SLX4IP: variants seen among roughly 807,000 people sequenced by gnomAD.
SLX4IP encodes SLX4 interacting protein.
SLX4IP carries 34 observed loss-of-function variants against 32.9 expected under a neutral mutation model. The observed-to-expected ratio is 1.03, with a 90% CI of 0.79 to 1.38. The LOEUF (loss-of-function observed/expected upper bound fraction) is 1.38, where lower values mean the gene tolerates loss of function less well. SLX4IP is among the 40% of genes most tolerant of loss of function. The pLI, the probability that SLX4IP is intolerant of heterozygous loss-of-function variation, is 0.00. For synonymous variants in SLX4IP, 172 were observed against 171.7 expected (o/e 1.00, Z -0.01); for missense variants, 444 against 479.0 (o/e 0.93, Z 0.68).
At chr20:10,520,018 G>A (rs1053639329) in intron 2 of SLX4IP, among the ~76,000 whole-genome samples, 32 of 152,232 alleles carry the variant, frequency 2.1e-4, no homozygotes, top group Middle Eastern at 3.4e-3. Flanking sequence ...CTAGAGAAAT[G>A]TCTATTGAAA....
chr20:10,446,602 G>C (rs2065204647), intron 1 of SLX4IP, among the ~76,000 whole-genome samples: 1 of 152,176 alleles, frequency 6.6e-6, no homozygotes, highest in South Asian at 2.1e-4. Flanking sequence ...ATATATGAGA[G>C]ATCTATTTTC....
intron 2 of SLX4IP, among the ~76,000 whole-genome samples, chr20:10,492,943 AC>A: frequency 6.6e-6 from 1 of 151,910 alleles, no homozygotes; most frequent in Non-Finnish European, 1.5e-5. Context: ...GCTAATACCA[AC>A]TGTTTTGATT....
chr20:10,606,371 A>G (rs1207513814), intron 6 of SLX4IP, among the ~76,000 whole-genome samples: 2 of 152,254 alleles, frequency 1.3e-5, no homozygotes, highest in Non-Finnish European at 2.9e-5. Context: ...AAATCAGATC[A>G]TTCAAGAAAA....
At chr20:10,516,218 A>G (rs530201407) in intron 2 of SLX4IP, among the ~76,000 whole-genome samples, 1 of 152,324 alleles carries the variant, frequency 6.6e-6, no homozygotes, top group Non-Finnish European at 1.5e-5. Flanking sequence ...GCACCTTAGT[A>G]TCTGGGATAG....
At chr20:10,611,868 G>A (rs1475350816) in intron 6 of SLX4IP, among the ~76,000 whole-genome samples, 3 of 152,190 alleles carry the variant, frequency 2.0e-5, no homozygotes, top group Non-Finnish European at 4.4e-5. Flanking sequence ...TGGAGCCAAA[G>A]TGCTCTTCTC....
intron 2 of SLX4IP, among the ~76,000 whole-genome samples, chr20:10,473,262 G>A (rs557498355): frequency 1.2e-4 from 18 of 152,184 alleles, no homozygotes; most frequent in African/African-American, 4.1e-4. Context: ...AAACCACTGG[G>A]GTCAGAAAGC....
chr20:10,585,540 C>T (rs1457915464), intron 4 of SLX4IP, among the ~76,000 whole-genome samples: 1 of 151,688 alleles, frequency 6.6e-6, no homozygotes, highest in Non-Finnish European at 1.5e-5. Context: ...TTTCCTTTCC[C>T]CTTTCCCCTT....
chr20:10,506,447 C>T (rs1212037604), intron 2 of SLX4IP, among the ~76,000 whole-genome samples: 1 of 152,180 alleles, frequency 6.6e-6, no homozygotes, highest in Non-Finnish European at 1.5e-5. Flanking sequence ...TCAAATGTGT[C>T]AAATCCTTTT....
At chr20:10,489,498 C>T (rs2065602171) in intron 2 of SLX4IP, among the ~76,000 whole-genome samples, 1 of 152,076 alleles carries the variant, frequency 6.6e-6, no homozygotes, top group Non-Finnish European at 1.5e-5. Context: ...CCATTTGACT[C>T]AAAGTATAGA....
chr20:10,536,812 A>G (rs2066050516), intron 2 of SLX4IP, among the ~76,000 whole-genome samples: 1 of 152,226 alleles, frequency 6.6e-6, no homozygotes, highest in Non-Finnish European at 1.5e-5. Context: ...AGACCATGGA[A>G]CCATGTGAGG....
chr20:10,483,729 G>T (rs2065546327), intron 2 of SLX4IP, among the ~76,000 whole-genome samples: 1 of 152,094 alleles, frequency 6.6e-6, no homozygotes, highest in South Asian at 2.1e-4. Context: ...TTCAGGCCAT[G>T]CGACCCCAAA....
At chr20:10,464,344 G>A (rs6039953) in intron 2 of SLX4IP, among the ~76,000 whole-genome samples, 96,545 of 151,834 alleles carry the variant, frequency 0.64, 30,888 homozygotes, top group Non-Finnish European at 0.66. Flanking sequence ...TTGATATGTC[G>A]TTTTAATATG....
At chr20:10,472,907 G>A (rs2065438275) in intron 2 of SLX4IP, among the ~76,000 whole-genome samples, 1 of 152,076 alleles carries the variant, frequency 6.6e-6, no homozygotes, top group South Asian at 2.1e-4. Flanking sequence ...AAAATGTTTA[G>A]GTGTTTAATT....
intron 3 of SLX4IP, 77 bp from the exon 4 acceptor site, chr20:10,560,623 T>G: frequency 7.5e-6 from 8 of 1,071,632 alleles, no homozygotes; most frequent in Non-Finnish European, 1.0e-5. Context: ...GAAATGTTCA[T>G]TGTTAACTTT....
chr20:10,529,901 G>GTCCAA (rs888639498), intron 2 of SLX4IP, among the ~76,000 whole-genome samples: 16 of 152,180 alleles, frequency 1.1e-4, no homozygotes, highest in Admixed American at 1.0e-3. Flanking sequence ...TAATGAAGAA[G>GTCCAA]TCCAAGACCA....
At chr20:10,523,496 GGAA>G (rs1262775673) in intron 2 of SLX4IP, among the ~76,000 whole-genome samples, 5 of 152,138 alleles carry the variant, frequency 3.3e-5, no homozygotes, top group African/African-American at 1.2e-4. Context: ...ATGATTATAT[GGAA>G]GAAGATTAAT....
chr20:10,448,274 T>G (rs771916421), intron 1 of SLX4IP, among the ~76,000 whole-genome samples: 19 of 152,190 alleles, frequency 1.2e-4, no homozygotes, highest in Non-Finnish European at 2.5e-4. Flanking sequence ...ATTTGTATAC[T>G]GGCATTATTT....
At chr20:10,460,454 T>C (rs1238329832) in intron 2 of SLX4IP, among the ~76,000 whole-genome samples, 1 of 152,238 alleles carries the variant, frequency 6.6e-6, no homozygotes, top group Non-Finnish European at 1.5e-5. Context: ...AAATGAAAGA[T>C]GGCATACTCA....
chr20:10,613,365 C>T lies in SLX4IP; in HGVS notation c.406-7949C>T. 4 of 1,307,430 alleles carry T rather than the reference C, an allele frequency of 3.1e-6. 1 individual carries two copies. The Admixed American group carries it at 7.2e-5, about 23-fold the overall frequency. 81.0% of individuals were successfully genotyped at this position (1,307,430 alleles called of 1,614,324 possible). A position where few individuals can be genotyped will look rare whatever the true frequency, so the allele number is the denominator to read the frequency against. On this transcript the variant is annotated intron_variant, in intron 6 of 7. Transcript: ENST00000334534. ...CAAGAGTTGAATTGCTTTTTGCCTT[C>T]AAGTCTTGCCTGCACCTTGCTTACA...
Sources: allele counts gnomAD v4.1 joint callset (sites outside exome capture counted in the v4.1 genomes callset), GRCh38; gene constraint gnomAD v4.1.1; transcripts MANE v1.5; gene names NCBI Gene and HGNC (gene_info 2026-07-23, HGNC 2026-07-21).